The following AGBL4 variants were observed in gnomAD, a reference collection of about 807,000 sequenced individuals.
AGBL4 encodes cytosolic carboxypeptidase 6.
Under a neutral mutation model 66.4 loss-of-function variants are expected in AGBL4, and 58 were observed. The observed-to-expected ratio is 0.87, with a 90% CI of 0.71 to 1.09. The LOEUF (loss-of-function observed/expected upper bound fraction) is 1.09. Ranked by LOEUF, AGBL4 falls within the 50% of genes least tolerant of loss-of-function variation. The pLI, the probability that AGBL4 is intolerant of heterozygous loss-of-function variation, is 0.00. For missense variants in AGBL4, 579 were observed against 631.0 expected, an observed-to-expected ratio of 0.92 and a Z score of 0.88; for synonymous variants, 234 against 222.9, an observed-to-expected ratio of 1.05 and a Z score of -0.44.
At chr1:49,901,075 AT>A (rs1649722950) in intron 1 of AGBL4, among the ~76,000 whole-genome samples, 1 of 152,130 alleles carries the variant, frequency 6.6e-6, no homozygotes, top group Admixed American at 6.5e-5. Context: ...CCATGTTTGA[AT>A]TTTCTTCTTT....
chr1:49,813,254 A>T (rs572823818), intron 2 of AGBL4, among the ~76,000 whole-genome samples: 1 of 152,304 alleles, frequency 6.6e-6, no homozygotes, highest in Non-Finnish European at 1.5e-5. Flanking sequence ...CAGAGGCATT[A>T]AAAACAATAT....
chr1:49,096,767 C>G (rs1645112958), intron 4 of AGBL4, among the ~76,000 whole-genome samples: 1 of 151,306 alleles, frequency 6.6e-6, no homozygotes. Flanking sequence ...TGCAGCACAC[C>G]AACATGGCAC....
chr1:49,958,881 C>T (rs147541337), intron 1 of AGBL4, among the ~76,000 whole-genome samples: 14 of 150,888 alleles, frequency 9.3e-5, no homozygotes, highest in Admixed American at 2.0e-4. Context: ...AAATTAAAGC[C>T]GATCATGGAT....
rs1655332354 is a variant in AGBL4, at chr1:49,947,560, A to T, written c.34+76203T>A. Among the ~76,000 whole-genome samples, 3 of 152,018 alleles carry T rather than the reference A, an allele frequency of 2.0e-5. No individual in the cohort carries two copies. In the South Asian group the frequency reaches 6.2e-4, roughly 32 times the overall value. On this transcript the variant is annotated intron_variant, in intron 1 of 13. Transcript: ENST00000371839. Reference sequence around the variant, plus strand: ...ACATATCTCGTTGTAAAAAAAAGCCATCTATGACAAATCCACAGCCAACAT... The same window carrying T: ...ACATATCTCGTTGTAAAAAAAAGCCTTCTATGACAAATCCACAGCCAACAT...
chr1:49,386,757 A>C lies in AGBL4; in HGVS notation c.283-140893T>G, dbSNP rs190756009. Among the ~76,000 whole-genome samples the C allele has an allele frequency of 6.6e-5, 10 of 152,128 alleles. No individual in the cohort carries two copies. The South Asian group carries it at 8.3e-4, about 13-fold the overall frequency. On this transcript the variant is annotated intron_variant, in intron 3 of 13. Coordinates refer to ENST00000371839, the MANE Select transcript of AGBL4 (RefSeq NM_032785.4). The stretch of plus-strand genomic sequence containing the variant: ...AGACAATTATCATTTTAGAGTTGGA[A>C]CAAAATTTAGCTCTATCATGCCTGA...
rs141025154 is a variant in AGBL4, at chr1:49,494,021, C to T, written c.282+203292G>A. ...ATAAGACTTTCGAAAACAGGGTCACCAGTCTAGCCCTGCTCCCTTCCCTCT... is the reference window on the plus strand; with the variant it reads ...ATAAGACTTTCGAAAACAGGGTCACTAGTCTAGCCCTGCTCCCTTCCCTCT... On this transcript the variant is annotated intron_variant, in intron 3 of 13. Coordinates refer to ENST00000371839, the MANE Select transcript of AGBL4 (RefSeq NM_032785.4). Among the ~76,000 whole-genome samples, 31 of 151,996 alleles carry T rather than the reference C, an allele frequency of 2.0e-4. 1 individual carries two copies. The highest frequency in any genetic ancestry group is 3.7e-4 in the Non-Finnish European group (25 of 67,926).
At chr1:49,960,203 T>C (rs2148341926) in intron 1 of AGBL4, among the ~76,000 whole-genome samples, 1 of 152,132 alleles carries the variant, frequency 6.6e-6, no homozygotes, top group East Asian at 1.9e-4. Context: ...AAAAAGGCAG[T>C]GTATATATAC....
chr1:48,576,524 C>A (rs1431588957), intron 11 of AGBL4, among the ~76,000 whole-genome samples: 2 of 152,084 alleles, frequency 1.3e-5, no homozygotes, highest in Non-Finnish European at 2.9e-5. Flanking sequence ...GTAGGGTGAC[C>A]AACCATCTTT....
intron 2 of AGBL4, among the ~76,000 whole-genome samples, chr1:49,753,730 C>T (rs865936471): frequency 2.6e-5 from 4 of 152,188 alleles, no homozygotes; most frequent in Admixed American, 6.6e-5. Flanking sequence ...CTGGTCTTTT[C>T]ACATAGTTCC....
At chr1:49,385,430 GA>G (rs1383217570) in intron 3 of AGBL4, among the ~76,000 whole-genome samples, 2 of 151,308 alleles carry the variant, frequency 1.3e-5, no homozygotes, top group Admixed American at 1.3e-4. Context: ...TGAGATCTTG[GA>G]CCTATTATTT....
chr1:48,545,014 C>G (rs1474867025), intron 11 of AGBL4, among the ~76,000 whole-genome samples: 2 of 152,166 alleles, frequency 1.3e-5, no homozygotes, highest in Non-Finnish European at 2.9e-5. Flanking sequence ...GTTGCAGTTT[C>G]CTGCTCACAG....
chr1:48,871,539 C>T (rs1420168316), intron 5 of AGBL4, among the ~76,000 whole-genome samples: 1 of 152,070 alleles, frequency 6.6e-6, no homozygotes, highest in Non-Finnish European at 1.5e-5. Context: ...TTGGATCAAT[C>T]AGGAGTAGAT....
At chr1:49,093,337 C>A (rs1361259815) in intron 4 of AGBL4, among the ~76,000 whole-genome samples, 1 of 152,054 alleles carries the variant, frequency 6.6e-6, no homozygotes, top group African/African-American at 2.4e-5. Context: ...TTTAAAAATT[C>A]TTTTATAGCC....
At chr1:49,613,298 A>G (rs921574682) in intron 3 of AGBL4, among the ~76,000 whole-genome samples, 8 of 151,996 alleles carry the variant, frequency 5.3e-5, no homozygotes, top group Non-Finnish European at 1.5e-5. Flanking sequence ...GTACCAGGTG[A>G]CAGGATCATT....
chr1:49,952,821 G>A (rs1466170691), intron 1 of AGBL4, among the ~76,000 whole-genome samples: 1 of 151,930 alleles, frequency 6.6e-6, no homozygotes, highest in African/African-American at 2.4e-5. Context: ...ACATTGAGAA[G>A]CAACAATAGG....
intron 5 of AGBL4, among the ~76,000 whole-genome samples, chr1:48,913,060 A>T (rs1653278605): frequency 6.6e-6 from 1 of 152,194 alleles, no homozygotes; most frequent in African/African-American, 2.4e-5. Flanking sequence ...ATAACTATGA[A>T]GTTTTATATC....
intron 9 of AGBL4, among the ~76,000 whole-genome samples, chr1:48,631,085 T>G (rs186861545): frequency 6.6e-6 from 1 of 152,328 alleles, no homozygotes; most frequent in African/African-American, 2.4e-5. Context: ...TCTTGCTGAT[T>G]CTCTGCTTGT....
At chr1:49,618,634 T>C (rs764797522) in intron 3 of AGBL4, among the ~76,000 whole-genome samples, 11 of 152,194 alleles carry the variant, frequency 7.2e-5, no homozygotes, top group Non-Finnish European at 1.6e-4. Context: ...AGCATCATCC[T>C]GATACCAAAA....
chr1:49,026,737 T>A (rs1663727623), intron 5 of AGBL4, among the ~76,000 whole-genome samples: 1 of 152,174 alleles, frequency 6.6e-6, no homozygotes, highest in Non-Finnish European at 1.5e-5. Flanking sequence ...GGTGCAGAAT[T>A]TTTGTTTGTT....
Sources: allele counts gnomAD v4.1 joint callset (sites outside exome capture counted in the v4.1 genomes callset), GRCh38; gene constraint gnomAD v4.1.1; transcripts MANE v1.5; gene names NCBI Gene and HGNC (gene_info 2026-07-23, HGNC 2026-07-21).